The following AJAP1 variants were observed in gnomAD, a reference collection of about 807,000 sequenced individuals.
The protein encoded by AJAP1 is adherens junction-associated protein 1.
AJAP1 carries 5 observed loss-of-function variants against 35.0 expected under a neutral mutation model. That is an observed-to-expected ratio of 0.14 (90% confidence interval 0.07 to 0.30). The LOEUF (loss-of-function observed/expected upper bound fraction) is 0.30. AJAP1 is among the 10% of genes least tolerant of loss of function. AJAP1 has a pLI of 1.00. For synonymous variants in AJAP1, 284 were observed against 249.3 expected, an observed-to-expected ratio of 1.14 and a Z score of -1.31; for missense variants, 586 against 571.0, an observed-to-expected ratio of 1.03 and a Z score of -0.27.
At chr1:4,688,908 A>G (rs1376978936) in intron 1 of AJAP1, among the ~76,000 whole-genome samples, 1 of 152,084 alleles carries the variant, frequency 6.6e-6, no homozygotes, top group Non-Finnish European at 1.5e-5. Context: ...TCCCTTCTAC[A>G]GGTGGAGAAA....
In AJAP1 at chr1:4,655,739, G is replaced by C. The variant is rs1193853239; in HGVS notation, c.29+285G>C. Among the ~76,000 whole-genome samples the C allele has an allele frequency of 2.7e-5, 4 of 150,306 alleles. No homozygotes were observed. The highest frequency in any genetic ancestry group is 5.9e-5 in the Non-Finnish European group (4 of 67,412). On this transcript the variant is annotated intron_variant, in intron 1 of 5. Coordinates refer to ENST00000378191, the MANE Select transcript of AJAP1 (RefSeq NM_018836.4). This position sits in a 1 kb window ranked among gnomAD's most constrained non-coding sequence, Gnocchi z 6.9. ...GTGGGGCCGGCCAGGCGCGCCCGCA[G>C]CTCTAGGAGCCAGCAGCGCAGTGTC...
chr1:4,689,947 C>T (rs1230697206), intron 1 of AJAP1, among the ~76,000 whole-genome samples: 2 of 152,166 alleles, frequency 1.3e-5, no homozygotes, highest in Admixed American at 6.5e-5. Context: ...GTCCCTCAGC[C>T]AGGCTCCCTG....
rs570470248 is a variant in AJAP1, at chr1:4,775,644, A to G, written c.*59+1086A>G. Among the ~76,000 whole-genome samples the G allele has an allele frequency of 2.6e-5, 4 of 152,290 alleles. No individual in the cohort carries two copies. The East Asian group carries it at 5.8e-4, about 22-fold the overall frequency. On this transcript the variant is annotated intron_variant, in intron 5 of 5. Coordinates refer to ENST00000378191, the MANE Select transcript of AJAP1 (RefSeq NM_018836.4). ...CAGTTCCTCATCCTGGCACTAATGA[A>G]CTGCATGTTTGCTCCAAATCAAATC... is the stretch of plus-strand genomic sequence containing the variant.
At chr1:4,679,756 T>A (rs1639435086) in intron 1 of AJAP1, among the ~76,000 whole-genome samples, 1 of 152,016 alleles carries the variant, frequency 6.6e-6, no homozygotes, top group African/African-American at 2.4e-5. Flanking sequence ...CCTCTTCTTA[T>A]AAAGACATCA....
In AJAP1 at chr1:4,760,783, G is replaced by C. The variant is rs575313003; in HGVS notation, c.830-9070G>C. Among the ~76,000 whole-genome samples, 11 of 152,320 alleles carry C rather than the reference G, an allele frequency of 7.2e-5. 1 individual carries two copies. In the South Asian group the frequency reaches 2.3e-3, roughly 32 times the overall value. On this transcript the variant is annotated intron_variant, in intron 2 of 5. Transcript: ENST00000378191. The stretch of plus-strand genomic sequence containing the variant: ...GGGCGAATATGCAGGCTTGGCCTTC[G>C]CCAAGGCGTGTGGCCACACCATGGA...
intron 2 of AJAP1, among the ~76,000 whole-genome samples, chr1:4,769,637 C>T (rs917805855): frequency 6.6e-6 from 1 of 152,152 alleles, no homozygotes; most frequent in Admixed American, 6.5e-5. Flanking sequence ...TGGAGCTCCC[C>T]CTTCCTGGAC....
In AJAP1 at chr1:4,787,663, C is replaced by T. The variant is rs915972895; in HGVS notation, c.*5178C>T. 4.4e-5 allele frequency: 20 copies of T among 456,034 alleles called. 1 individual carries two copies. The Middle Eastern group carries it at 9.7e-4, about 22-fold the overall frequency. 28.2% of individuals were successfully genotyped at this position (456,034 alleles called of 1,614,324 possible). On this transcript the variant is annotated 3_prime_UTR_variant, in exon 6 of 6. Transcript: ENST00000378191. ...GTGATGAGCTTGCCCCATCCCTGGG[C>T]ACTGGCTCTGCCCAGCCCCTCCCAT... is the stretch of plus-strand genomic sequence containing the variant.
At chr1:4,777,313 C>T (rs148042426) in intron 5 of AJAP1, 126 of 152,338 alleles carry the variant, frequency 8.3e-4, no homozygotes, top group African/African-American at 2.7e-3. Flanking sequence ...ACGATGCAGC[C>T]GTTTGTTACC....
chr1:4,695,957 T>TG (rs58828516), intron 1 of AJAP1, among the ~76,000 whole-genome samples: 11,231 of 152,136 alleles, frequency 0.074, 450 homozygotes, highest in Admixed American at 0.1. Context: ...TCTCTCGTAC[T>TG]GGGGGGTTCA....
At chr1:4,725,822 G>T (rs911689116) in intron 2 of AJAP1, among the ~76,000 whole-genome samples, 1 of 152,192 alleles carries the variant, frequency 6.6e-6, no homozygotes, top group Non-Finnish European at 1.5e-5. Context: ...TTGTCCCTCT[G>T]TGTGTCTGTG....
chr1:4,721,255 T>C (rs112079042), intron 2 of AJAP1, among the ~76,000 whole-genome samples: 3,064 of 152,210 alleles, frequency 0.02, 104 homozygotes, highest in African/African-American at 0.067. Flanking sequence ...TGTGGCACTT[T>C]CCATGATTCT....
chr1:4,758,422 G>T (rs562878973), intron 2 of AJAP1, among the ~76,000 whole-genome samples: 1 of 152,298 alleles, frequency 6.6e-6, no homozygotes, highest in African/African-American at 2.4e-5. Flanking sequence ...GGCTGGGGTG[G>T]CCTCAGGAAA....
intron 1 of AJAP1, among the ~76,000 whole-genome samples, chr1:4,705,923 T>C (rs1321827768): frequency 1.3e-5 from 2 of 152,206 alleles, no homozygotes; most frequent in Admixed American, 6.5e-5. Context: ...TTCCTGGTTA[T>C]GCACCATGAC....
rs3843299 is a variant in AJAP1, at chr1:4,689,099, C to T, written c.30-22801C>T. Among the ~76,000 whole-genome samples, 1,465 of 152,172 alleles carry T rather than the reference C, an allele frequency of 9.6e-3. 24 individuals are homozygous for T. Among genetic ancestry groups the T allele is most frequent in the African/African-American group, 0.033 (1,356 of 41,512 alleles). On this transcript the variant is annotated intron_variant, in intron 1 of 5. Transcript: ENST00000378191. ...AGGGTTCTTTGGGGACCGTAGCCTG[C>T]GGCTTCGGTCTTCAGTTCCTGAGGT...
rs998421827 is a variant in AJAP1 at position 4,792,262 on chromosome 1, T to C, written c.*9777T>C. The stretch of plus-strand genomic sequence containing the variant: ...AGAGAGTTAACCTCCTGTAGTTTAA[T>C]GTTGTGTTTCTTTTCTTTAAATGCA... On this transcript the variant is annotated 3_prime_UTR_variant, in exon 6 of 6. Transcript: ENST00000378191. The C allele has an allele frequency of 6.7e-6, 1 of 150,012 alleles. No homozygotes were observed. Among genetic ancestry groups the C allele is most frequent in the Non-Finnish European group, 1.5e-5 (1 of 67,866 alleles). The allele number at this position is 150,012 out of a possible 1,614,324, so 9.3% of individuals were successfully genotyped here.
rs776757275 is a variant in AJAP1, at chr1:4,774,529, G to A, written c.*30G>A. The A allele has an allele frequency of 4.4e-6, 7 of 1,603,674 alleles. No individual in the cohort carries two copies. Among genetic ancestry groups the A allele is most frequent in the Admixed American group, 1.7e-5 (1 of 59,996 alleles). The stretch of plus-strand genomic sequence containing the variant: ...CCGAAGTCTTTTTTACCTCCTGGGG[G>A]CAGGGCAGACGCCGTGTGTCTGTTT... On this transcript the variant is annotated 3_prime_UTR_variant, in exon 5 of 6. Coordinates refer to ENST00000378191, the MANE Select transcript of AJAP1 (RefSeq NM_018836.4).
chr1:4,736,809 G>A (rs1288356665), intron 2 of AJAP1, among the ~76,000 whole-genome samples: 2 of 152,178 alleles, frequency 1.3e-5, no homozygotes, highest in Non-Finnish European at 2.9e-5. Flanking sequence ...TGCGGGGGCC[G>A]CTGGTAAACT....
At chr1:4,757,974 A>C (rs1442850612) in intron 2 of AJAP1, among the ~76,000 whole-genome samples, 1 of 152,066 alleles carries the variant, frequency 6.6e-6, no homozygotes, top group South Asian at 2.1e-4. Context: ...GATCACCCTC[A>C]TGCTGTTTCT....
intron 2 of AJAP1, among the ~76,000 whole-genome samples, chr1:4,715,860 C>G (rs567274716): frequency 2.6e-5 from 4 of 152,306 alleles, no homozygotes; most frequent in African/African-American, 7.2e-5. Context: ...GCAGAGCAGG[C>G]TGCCAGGGAC....
Sources: gnomAD v4.1 joint callset for allele counts (sites outside exome capture counted in the v4.1 genomes callset) on GRCh38, gnomAD v4.1.1 for gene constraint, Gnocchi (gnomAD v3.1) non-coding constraint, MANE v1.5 for transcripts, NCBI Gene and HGNC (gene_info 2026-07-23, HGNC 2026-07-21) for gene names.